Variants in CTNNAL1 observed in about 807,000 individuals in gnomAD.
The protein encoded by CTNNAL1 is alpha-catulin.
A neutral mutation model predicts 93.6 loss-of-function variants in CTNNAL1; 69 were observed. That is an observed-to-expected ratio of 0.74 (90% confidence interval 0.61 to 0.90). The LOEUF (loss-of-function observed/expected upper bound fraction) is 0.90. Ranked by LOEUF, CTNNAL1 falls within the 40% of genes least tolerant of loss-of-function variation. CTNNAL1 has a pLI of 0.00. For synonymous variants in CTNNAL1, 286 were observed against 305.4 expected (o/e 0.94, Z 0.66); for missense variants, 836 against 862.0 (o/e 0.97, Z 0.38).
intron 8 of CTNNAL1, among the ~76,000 whole-genome samples, chr9:108,974,332 G>C (rs964789662): frequency 6.6e-6 from 1 of 152,192 alleles, no homozygotes. Context: ...GAATAGTCTG[G>C]AATGAAATGG....
At chr9:109,012,876 T>G (rs1827250631) in intron 1 of CTNNAL1, among the ~76,000 whole-genome samples, 1 of 152,060 alleles carries the variant, frequency 6.6e-6, no homozygotes, top group Non-Finnish European at 1.5e-5. Context: ...TGCGAACTGG[T>G]GACAAAGTCG....
In CTNNAL1 at chr9:108,992,662, G is replaced by A. The variant is rs760968636; in HGVS notation, c.489C>T (p.Val163=). Residue 163 remains valine (V), a synonymous_variant, in exon 3 of 19, where the codon GTC becomes GTT. Transcript: ENST00000325551. ...TKVLLLADRV[V]IKQIITSRNK... ...TTCTTGATGTTATTATCTGTTTAAT[G>A]ACTACTCGGTCTGCCAGCAACAACA... is the stretch of plus-strand genomic sequence containing the variant. 1 of 1,613,062 alleles carries A rather than the reference G, an allele frequency of 6.2e-7. No individual in the cohort carries two copies. Among genetic ancestry groups the A allele is most frequent in the Non-Finnish European group, 8.5e-7 (1 of 1,179,600 alleles).
chr9:108,960,153 T>A (rs191725824), intron 11 of CTNNAL1, among the ~76,000 whole-genome samples: 2 of 152,286 alleles, frequency 1.3e-5, no homozygotes, highest in East Asian at 3.9e-4. Context: ...CCCTGACCAC[T>A]AAAGCATAGG....
At chr9:109,003,685 G>T (rs192132230) in intron 1 of CTNNAL1, among the ~76,000 whole-genome samples, 70 of 152,180 alleles carry the variant, frequency 4.6e-4, no homozygotes, top group African/African-American at 1.7e-3. Flanking sequence ...TTGAACAGAA[G>T]AGTCTATAGT....
intron 17 of CTNNAL1, 140 bp from the exon 18 acceptor site, chr9:108,943,184 G>A: frequency 1.3e-6 from 1 of 772,870 alleles, no homozygotes; most frequent in Admixed American, 3.1e-5. Flanking sequence ...TTAGGCACAT[G>A]AGCTGACTCA....
chr9:108,946,248 G>A (rs12338755), intron 15 of CTNNAL1, among the ~76,000 whole-genome samples: 7,961 of 149,298 alleles, frequency 0.053, 322 homozygotes, highest in East Asian at 0.12. Context: ...GTAGTGAGCC[G>A]AGATCGTGCC....
At chr9:108,972,897 G>C in intron 8 of CTNNAL1, 64 bp from the exon 9 acceptor site, 1 of 1,453,140 alleles carries the variant, frequency 6.9e-7, no homozygotes, top group East Asian at 2.5e-5. Flanking sequence ...ATGAAGGAAA[G>C]AAAACAAACA....
Position 108,984,519 on chromosome 9 carries a change from T to C in CTNNAL1, c.640-83A>G, listed in dbSNP as rs1299966493. On this transcript the variant is annotated intron_variant, in intron 4 of 18. Coordinates refer to ENST00000325551, the MANE Select transcript of CTNNAL1 (RefSeq NM_003798.4). ...TAAAAAAGTATTTATTCAACACTAA[T>C]ACTCAAGAATTCACTAACATTGTTA... 3.2e-5 allele frequency: 20 copies of C among 624,036 alleles called. 1 individual carries two copies. In the East Asian group the frequency reaches 5.3e-4, roughly 16 times the overall value. The allele number at this position is 624,036 out of a possible 1,614,324, so 38.7% of individuals were successfully genotyped here. A position where few individuals can be genotyped will look rare whatever the true frequency, so the allele number is the denominator to read the frequency against.
At chr9:108,953,843 CAGAGAG>C (rs111992866) in intron 12 of CTNNAL1, among the ~76,000 whole-genome samples, 2 of 151,680 alleles carry the variant, frequency 1.3e-5, no homozygotes, top group Non-Finnish European at 2.9e-5. Context: ...GAGACAAAGA[CAGAGAG>C]AGAGAGAATA....
At chr9:109,003,690 T>C (rs1247532081) in intron 1 of CTNNAL1, among the ~76,000 whole-genome samples, 1 of 152,210 alleles carries the variant, frequency 6.6e-6, no homozygotes, top group Non-Finnish European at 1.5e-5. Context: ...CAGAAGAGTC[T>C]ATAGTAGTCA....
rs774020718 is a variant in CTNNAL1 at position 108,999,263 on chromosome 9, A to G, written c.142-7T>C. On this transcript the variant is annotated splice_region_variant and splice_polypyrimidine_tract_variant and intron_variant, in intron 1 of 18. Transcript: ENST00000325551. ...GATTAATAAGCGTGGTGATCTAAAA[A>G]TAAAAGATAAAAGCAACTTTTATCT... 3.8e-6 allele frequency: 6 copies of G among 1,575,022 alleles called. No homozygotes were observed. The East Asian group carries it at 6.7e-5, about 18-fold the overall frequency.
chr9:108,982,368 G>C (rs984466467), intron 6 of CTNNAL1, among the ~76,000 whole-genome samples: 4 of 152,220 alleles, frequency 2.6e-5, no homozygotes, highest in Admixed American at 2.6e-4. Flanking sequence ...ATAACTGTTA[G>C]TGTGTATTAC....
intron 4 of CTNNAL1, among the ~76,000 whole-genome samples, chr9:108,985,615 G>T (rs1831582629): frequency 6.6e-6 from 1 of 152,128 alleles, no homozygotes; most frequent in Non-Finnish European, 1.5e-5. Context: ...TAACCCCAAA[G>T]CTAATGCAGA....
chr9:108,950,826 G>A, intron 14 of CTNNAL1: 1 of 473,846 alleles, frequency 2.1e-6, no homozygotes, highest in Non-Finnish European at 3.7e-6. Flanking sequence ...GATACATTGT[G>A]TCCCTATGAG....
chr9:108,984,201 A>C (rs1464990144), intron 5 of CTNNAL1, 146 bp downstream of exon 5: 2 of 553,192 alleles, frequency 3.6e-6, no homozygotes, highest in Non-Finnish European at 6.4e-6. Context: ...CATTCTTATA[A>C]ATAATAACTG....
intron 14 of CTNNAL1, among the ~76,000 whole-genome samples, chr9:108,949,389 A>G (rs952934339): frequency 1.3e-5 from 2 of 152,186 alleles, no homozygotes; most frequent in African/African-American, 4.8e-5. Context: ...AAATAAAACT[A>G]ATCAAAGGAG....
Position 108,999,185 on chromosome 9 carries a change from T to G in CTNNAL1, c.213A>C (p.Val71=). The G allele has an allele frequency of 6.2e-7, 1 of 1,613,564 alleles. No homozygotes were observed. ...SDKTLQAIQR[V]GQAVNLAVGR... ...CAACTGCCAAGTTGACAGCTTGTCC[T>G]ACACGCTGAATTGCTTGCAGAGTTT... Residue 71 remains valine, a synonymous_variant, in exon 2 of 19, where the codon GTA becomes GTC. Transcript: ENST00000325551.
At chr9:109,000,386 T>C (rs547617312) in intron 1 of CTNNAL1, among the ~76,000 whole-genome samples, 1 of 152,204 alleles carries the variant, frequency 6.6e-6, no homozygotes, top group African/African-American at 2.4e-5. Context: ...ATATCCCAAA[T>C]AAAATTCTAG....
chr9:108,981,963 A>G (rs146688949), intron 6 of CTNNAL1, among the ~76,000 whole-genome samples: 187 of 152,324 alleles, frequency 1.2e-3, no homozygotes, highest in Middle Eastern at 3.4e-3. Context: ...GTGCAGTAAA[A>G]TGGAAAGAAT....
Sources: gnomAD v4.1 joint callset for allele counts (sites outside exome capture counted in the v4.1 genomes callset) on GRCh38, gnomAD v4.1.1 for gene constraint, MANE v1.5 for transcripts, NCBI Gene and HGNC (gene_info 2026-07-23, HGNC 2026-07-21) for gene names.